RSU1: variants seen among roughly 807,000 people sequenced by gnomAD.
RSU1 encodes the protein Ras suppressor protein 1.
Under a neutral mutation model 31.1 loss-of-function variants are expected in RSU1, and 26 were observed. The observed-to-expected ratio is 0.84, with a 90% CI of 0.61 to 1.16. RSU1 has a LOEUF of 1.16. RSU1 is among the 50% of genes most tolerant of loss of function. The pLI is 0.00. For missense variants in RSU1, 320 were observed against 339.1 expected (o/e 0.94, Z 0.44); for synonymous variants, 164 against 136.3 (o/e 1.20, Z -1.41).
chr10:16,766,654 G>T (rs1051695644), intron 3 of RSU1, among the ~76,000 whole-genome samples: 1 of 151,444 alleles, frequency 6.6e-6, no homozygotes, highest in Non-Finnish European at 1.5e-5. Flanking sequence ...GGCAGAGGTT[G>T]CAGTAAGCCA....
rs1219909437 is a variant in RSU1, at chr10:16,664,546, C to T, written c.731+30477G>A. On this transcript the variant is annotated intron_variant, in intron 8 of 8. Transcript: ENST00000345264. ...AATAAATGAGTGTTTCAAAACAGGC[C>T]GAGTACTAGGCTTTGAACCAGGAGA... is the stretch of plus-strand genomic sequence containing the variant. Among the ~76,000 whole-genome samples, 5 of 152,136 alleles carry T rather than the reference C, an allele frequency of 3.3e-5. No homozygotes were observed. The East Asian group carries it at 7.7e-4, about 23-fold the overall frequency.
intron 8 of RSU1, among the ~76,000 whole-genome samples, chr10:16,642,828 A>G (rs1834469141): frequency 6.6e-6 from 1 of 152,214 alleles, no homozygotes; most frequent in South Asian, 2.1e-4. Flanking sequence ...ATAGTTATGC[A>G]TTCCTTTGCC....
At chr10:16,740,017 C>T (rs1836719822) in intron 7 of RSU1, among the ~76,000 whole-genome samples, 2 of 152,006 alleles carry the variant, frequency 1.3e-5, no homozygotes, top group Non-Finnish European at 2.9e-5. Context: ...AAAACTTTCC[C>T]ACAAAGAAAA....
intron 2 of RSU1, among the ~76,000 whole-genome samples, chr10:16,808,701 T>C (rs1262791150): frequency 6.6e-6 from 1 of 152,178 alleles, no homozygotes; most frequent in East Asian, 1.9e-4. Flanking sequence ...CTAGATGTTA[T>C]GGAATGAACT....
chr10:16,620,675 CT>C (rs1169105442), intron 8 of RSU1, among the ~76,000 whole-genome samples: 2 of 151,982 alleles, frequency 1.3e-5, no homozygotes, highest in Admixed American at 6.5e-5. Flanking sequence ...GAAACCCCGT[CT>C]CTACTAAAAA....
intron 7 of RSU1, among the ~76,000 whole-genome samples, chr10:16,728,671 G>C (rs1273678657): frequency 6.6e-6 from 1 of 152,342 alleles, no homozygotes; most frequent in East Asian, 1.9e-4. Context: ...AAGTGGATAA[G>C]TGAAGGATCT....
intron 8 of RSU1, among the ~76,000 whole-genome samples, chr10:16,643,002 ACTG>A (rs1296352119): frequency 6.6e-6 from 1 of 152,240 alleles, no homozygotes; most frequent in East Asian, 1.9e-4. Context: ...ACAAGTGTTT[ACTG>A]CTTACTTTAC....
intron 7 of RSU1, among the ~76,000 whole-genome samples, chr10:16,705,252 T>C (rs1031364000): frequency 2.0e-5 from 3 of 152,198 alleles, no homozygotes; most frequent in Non-Finnish European, 4.4e-5. Flanking sequence ...CATCTCTCAG[T>C]ATCCATGGGG....
intron 8 of RSU1, among the ~76,000 whole-genome samples, chr10:16,606,364 C>A (rs569960293): frequency 1.5e-3 from 232 of 152,160 alleles, no homozygotes; most frequent in African/African-American, 5.2e-3. Context: ...TGTCAAACTT[C>A]TGACCTCAAG....
intron 8 of RSU1, among the ~76,000 whole-genome samples, chr10:16,666,694 A>C (rs1246256865): frequency 6.6e-6 from 1 of 152,034 alleles, no homozygotes; most frequent in Non-Finnish European, 1.5e-5. Flanking sequence ...GGGTGTTAAA[A>C]AATGAGCCAT....
chr10:16,722,610 G>A (rs1836288822), intron 7 of RSU1, among the ~76,000 whole-genome samples: 1 of 152,120 alleles, frequency 6.6e-6, no homozygotes, highest in Non-Finnish European at 1.5e-5. Context: ...GAACTCATGA[G>A]TGAAGAAATC....
intron 8 of RSU1, among the ~76,000 whole-genome samples, chr10:16,613,562 T>C (rs1274213647): frequency 6.6e-6 from 1 of 152,142 alleles, no homozygotes; most frequent in Non-Finnish European, 1.5e-5. Flanking sequence ...GAGAATAAAA[T>C]ATTACAAAAA....
intron 8 of RSU1, among the ~76,000 whole-genome samples, chr10:16,676,109 T>A (rs543246737): frequency 3.3e-5 from 5 of 152,132 alleles, no homozygotes; most frequent in Non-Finnish European, 7.3e-5. Context: ...TAGAGAAAGG[T>A]CATACCCTTT....
intron 4 of RSU1, among the ~76,000 whole-genome samples, chr10:16,755,621 C>A (rs142145897): frequency 7.0e-4 from 107 of 152,076 alleles, no homozygotes; most frequent in African/African-American, 2.5e-3. Context: ...GCTTAAAATT[C>A]ACTCTCTTAG....
chr10:16,684,366 C>A (rs533967646), intron 8 of RSU1, among the ~76,000 whole-genome samples: 18 of 152,306 alleles, frequency 1.2e-4, no homozygotes, highest in African/African-American at 4.3e-4. Flanking sequence ...GACTCCCCAA[C>A]TCTCTAGATA....
intron 8 of RSU1, among the ~76,000 whole-genome samples, chr10:16,635,099 C>T (rs1834324060): frequency 6.6e-6 from 1 of 152,190 alleles, no homozygotes; most frequent in African/African-American, 2.4e-5. Context: ...GTATTCGTAA[C>T]AGCCTCCTAC....
chr10:16,710,987 G>C (rs1836005979), intron 7 of RSU1, among the ~76,000 whole-genome samples: 1 of 152,148 alleles, frequency 6.6e-6, no homozygotes, highest in African/African-American at 2.4e-5. Context: ...TCCTGCAAAG[G>C]ACATAAAGTC....
rs202094999 is a variant in RSU1, at chr10:16,691,084, C to CT, written c.731+3938dup. On this transcript the variant is annotated intron_variant, in intron 8 of 8. Transcript: ENST00000345264. ...ACTAAGGCAATGAATGTGAAATTTG[C>CT]TTTTTTAAAAAAACTATGAGTATCA... Among the ~76,000 whole-genome samples the CT allele has an allele frequency of 5.0e-3, 761 of 151,756 alleles. 8 individuals carry two copies. The highest frequency in any genetic ancestry group is 0.017 in the African/African-American group (680 of 41,092).
At position 16,593,197 on chromosome 10, in the gene RSU1, G is replaced by T; in HGVS notation, c.*197C>A. On this transcript the variant is annotated 3_prime_UTR_variant, in exon 9 of 9. Coordinates refer to ENST00000345264, the MANE Select transcript of RSU1 (RefSeq NM_012425.4). ...TAATGTTAAAGAAACAAATGGAAATGGTTTAAAGACCTTATAACAATCTCC... is the reference window on the plus strand; with the variant it reads ...TAATGTTAAAGAAACAAATGGAAATTGTTTAAAGACCTTATAACAATCTCC... 1 of 994,670 alleles carries T rather than the reference G, an allele frequency of 1.0e-6. No homozygotes were observed. The highest frequency in any genetic ancestry group is 1.4e-6 in the Non-Finnish European group (1 of 732,866). 61.6% of individuals were successfully genotyped at this position (994,670 alleles called of 1,614,324 possible).
Sources: gnomAD v4.1 joint callset for allele counts (sites outside exome capture counted in the v4.1 genomes callset) on GRCh38, gnomAD v4.1.1 for gene constraint, MANE v1.5 for transcripts, NCBI Gene and HGNC (gene_info 2026-07-23, HGNC 2026-07-21) for gene names.